CHD5: variants seen among roughly 807,000 people sequenced by gnomAD.
CHD5 encodes the protein ATP-dependent chromatin remodeler CHD5.
In CHD5, 69 loss-of-function variants were observed where a neutral mutation model predicts 230.3. The observed-to-expected ratio is 0.30, with a 90% CI of 0.25 to 0.37. CHD5 has a LOEUF of 0.37. Among genes scored for constraint, CHD5 ranks in the 10% least tolerant of loss-of-function variants. CHD5 has a pLI of 1.00. For synonymous variants in CHD5, 1,064 were observed against 1,065.9 expected (o/e 1.00, Z 0.03); for missense variants, 1,827 against 2,622.8 (o/e 0.70, Z 6.63).
chr1:6,120,732 G>A (rs561975330), intron 33 of CHD5, among the ~76,000 whole-genome samples: 38 of 152,082 alleles, frequency 2.5e-4, no homozygotes, highest in African/African-American at 8.9e-4. Context: ...ATGAAATCTC[G>A]TCTCTACTAA....
chr1:6,126,253 C>CG lies in CHD5; in HGVS notation c.4078+318dup, dbSNP rs1217304385. On this transcript the variant is annotated intron_variant, in intron 26 of 41. Transcript: ENST00000262450. This position sits in a 1 kb window ranked among gnomAD's most constrained non-coding sequence, Gnocchi z 5.7. ...CCCAGCGTTCCTGGCCCCCACCTCC[C>CG]GGGGGGGTCCTGCACAGGGATGCCC... is the stretch of plus-strand genomic sequence containing the variant. 6.6e-6 allele frequency among the ~76,000 whole-genome samples: 1 copy of CG among 151,278 alleles called. No homozygotes were observed. Among genetic ancestry groups the CG allele is most frequent in the Admixed American group, 6.6e-5 (1 of 15,200 alleles).
intron 15 of CHD5, among the ~76,000 whole-genome samples, chr1:6,139,967 T>C (rs895417069): frequency 6.6e-6 from 1 of 152,166 alleles, no homozygotes; most frequent in African/African-American, 2.4e-5. Flanking sequence ...CCACAGCTGC[T>C]AGGAGGCAGT....
In CHD5 at chr1:6,125,054, T is replaced by C; in HGVS notation, c.4394+46A>G. 6.7e-7 allele frequency: 1 copy of C among 1,501,020 alleles called. No individual in the cohort carries two copies. Among genetic ancestry groups the C allele is most frequent in the Non-Finnish European group, 8.9e-7 (1 of 1,117,574 alleles). The allele number at this position is 1,501,020 out of a possible 1,614,324, so 93.0% of individuals were successfully genotyped here. A position where few individuals can be genotyped will look rare whatever the true frequency, so the allele number is the denominator to read the frequency against. ...GCTCACCCGCAGGACCCTGCCCTAC[T>C]CAGGGGCAGGTGGTCACACCCTGGG... On this transcript the variant is annotated intron_variant, in intron 29 of 41. Transcript: ENST00000262450. This position sits in a 1 kb window ranked among gnomAD's most constrained non-coding sequence, Gnocchi z 6.7.
chr1:6,132,256 A>T (rs1047730727), intron 20 of CHD5, among the ~76,000 whole-genome samples: 3 of 152,162 alleles, frequency 2.0e-5, no homozygotes, highest in African/African-American at 7.2e-5. Context: ...TTCTCGAGAG[A>T]GAGTTTAGCT....
intron 11 of CHD5, among the ~76,000 whole-genome samples, chr1:6,145,978 G>C (rs998804261): frequency 6.6e-6 from 1 of 152,164 alleles, no homozygotes; most frequent in African/African-American, 2.4e-5. Context: ...GTGTGAACAC[G>C]TATGCATGAG....
chr1:6,137,387 G>C (rs150618670), intron 15 of CHD5, among the ~76,000 whole-genome samples: 84 of 152,278 alleles, frequency 5.5e-4, no homozygotes, highest in African/African-American at 2.0e-3. Flanking sequence ...GATTACAGGC[G>C]TGAGCCACCA....
chr1:6,140,377 C>T (rs1255510406), intron 15 of CHD5, among the ~76,000 whole-genome samples: 4 of 147,530 alleles, frequency 2.7e-5, no homozygotes, highest in African/African-American at 5.0e-5. Flanking sequence ...TCCAGCCTGG[C>T]GACAGAGTGA....
rs759665731 is a variant in CHD5, at chr1:6,142,590, C to T, written c.2059G>A (p.Asp687Asn). 1.9e-6 allele frequency: 3 copies of T among 1,611,768 alleles called. No homozygotes were observed. Among genetic ancestry groups the T allele is most frequent in the African/African-American group, 2.7e-5 (2 of 74,900 alleles). ...GAGTCGATGTACCATGGCTGCTTGT[C>T]GAACTTGACCGTGGGCTGCAGGGGA... ...TPIVDPTVKF[D>N]KQPWYIDSTG... The change falls in exon 14 of 42, where the codon GAC (aspartate) becomes AAC (asparagine). Residue 687 changes from aspartate (D) to asparagine (N), a missense_variant. Transcript: ENST00000262450. The surrounding 1 kb of genome is among the most constrained non-coding windows in gnomAD (Gnocchi z 5.2).
rs755570681 is a variant in CHD5, at chr1:6,143,803, G to A, written c.2043+20C>T. 35 of 1,483,046 alleles carry A rather than the reference G, an allele frequency of 2.4e-5. No homozygotes were observed. The highest frequency in any genetic ancestry group is 2.7e-5 in the Non-Finnish European group (29 of 1,066,616). 91.9% of individuals were successfully genotyped at this position (1,483,046 alleles called of 1,614,324 possible). ...GGCCCTGGCAACCCCACCCACTGCT[G>A]CCCCACCCTCCCCACTCACGTCCAC... On this transcript the variant is annotated intron_variant, in intron 13 of 41. Coordinates refer to ENST00000262450, the MANE Select transcript of CHD5 (RefSeq NM_015557.3).
intron 1 of CHD5, among the ~76,000 whole-genome samples, chr1:6,172,321 GT>G (rs1470605335): frequency 6.6e-6 from 1 of 151,954 alleles, no homozygotes; most frequent in Non-Finnish European, 1.5e-5. Flanking sequence ...ATTCTTTCTG[GT>G]TTGGGGCTTT....
At chr1:6,111,962 CCCT>C (rs1427281267) in intron 35 of CHD5, 79 bp from the exon 36 acceptor site, 48 of 1,431,796 alleles carry the variant, frequency 3.4e-5, no homozygotes, top group Non-Finnish European at 4.2e-5. Context: ...GCCGCTCCCT[CCCT>C]ACTTGCCACT....
chr1:6,141,634 A>T (rs951172949), intron 15 of CHD5, among the ~76,000 whole-genome samples: 1 of 152,084 alleles, frequency 6.6e-6, no homozygotes, highest in African/African-American at 2.4e-5. Flanking sequence ...AATAAATAAA[A>T]TAAGTAGCTA....
intron 41 of CHD5, among the ~76,000 whole-genome samples, chr1:6,106,017 C>A (rs1666157384): frequency 6.6e-6 from 1 of 152,174 alleles, no homozygotes; most frequent in Non-Finnish European, 1.5e-5. Context: ...CCCAGCCTCC[C>A]AGTGGACAGA....
chr1:6,115,141 T>C (rs1359451313), intron 33 of CHD5, among the ~76,000 whole-genome samples: 2 of 151,198 alleles, frequency 1.3e-5, no homozygotes, highest in Admixed American at 1.3e-4. Context: ...TGAAACCCTG[T>C]CTCTACTAAA....
intron 25 of CHD5, among the ~76,000 whole-genome samples, chr1:6,127,463 G>A (rs962478555): frequency 6.6e-6 from 1 of 151,956 alleles, no homozygotes; most frequent in African/African-American, 2.4e-5. Context: ...TCCAGCCGGG[G>A]CGACAGAGCG....
intron 17 of CHD5, among the ~76,000 whole-genome samples, 172 bp from the exon 18 acceptor site, chr1:6,135,575 A>G (rs1348128423): frequency 6.6e-6 from 1 of 152,176 alleles, no homozygotes; most frequent in Non-Finnish European, 1.5e-5. Flanking sequence ...CACACATCAC[A>G]GCCCTCTTTT....
intron 40 of CHD5, 36 bp from the exon 41 acceptor site, chr1:6,106,323 G>A (rs777534638): frequency 8.1e-6 from 13 of 1,612,598 alleles, no homozygotes; most frequent in African/African-American, 2.7e-5. Flanking sequence ...CTTGCCTGAC[G>A]TTGGCAGCAG....
chr1:6,136,479 C>T (rs1227117376), intron 17 of CHD5, 38 bp downstream of exon 17: 3 of 1,607,580 alleles, frequency 1.9e-6, no homozygotes, highest in Non-Finnish European at 2.6e-6. Context: ...GCCACCCAGC[C>T]CCACCACCAC....
chr1:6,148,487 G>A (rs1666945291), intron 9 of CHD5, among the ~76,000 whole-genome samples: 1 of 152,220 alleles, frequency 6.6e-6, no homozygotes, highest in African/African-American at 2.4e-5. Flanking sequence ...TCTAAAAAGG[G>A]AGTAACATGC....
Sources: gnomAD v4.1 joint callset for allele counts (sites outside exome capture counted in the v4.1 genomes callset) on GRCh38, gnomAD v4.1.1 for gene constraint, Gnocchi (gnomAD v3.1) non-coding constraint, MANE v1.5 for transcripts, NCBI Gene and HGNC (gene_info 2026-07-23, HGNC 2026-07-21) for gene names.